The following SLC12A2 variants were observed in gnomAD, a reference collection of about 807,000 sequenced individuals.
SLC12A2 encodes the protein solute carrier family 12 member 2, also known as Na-K-2Cl cotransporter 1.
In SLC12A2, 67 loss-of-function variants were observed where a neutral mutation model predicts 136.3. That is an observed-to-expected ratio of 0.49 (90% CI 0.40 to 0.60). The LOEUF (loss-of-function observed/expected upper bound fraction) is 0.60, where lower values mean the gene tolerates loss of function less well. Ranked by LOEUF, SLC12A2 falls within the 20% of genes least tolerant of loss-of-function variation. The pLI, the probability that SLC12A2 is intolerant of heterozygous loss-of-function variation, is 0.00. For synonymous variants in SLC12A2, 619 were observed against 562.9 expected, an observed-to-expected ratio of 1.10 and a Z score of -1.41; for missense variants, 1,322 against 1,534.7, an observed-to-expected ratio of 0.86 and a Z score of 2.32.
intron 1 of SLC12A2, among the ~76,000 whole-genome samples, chr5:128,103,397 G>C (rs1222503257): frequency 6.6e-6 from 1 of 152,108 alleles, no homozygotes; most frequent in Non-Finnish European, 1.5e-5. Flanking sequence ...TCTCTGACTT[G>C]AGAACAGACA....
At chr5:128,163,034 G>A (rs544988603) in intron 17 of SLC12A2, among the ~76,000 whole-genome samples, 2 of 152,144 alleles carry the variant, frequency 1.3e-5, no homozygotes, top group South Asian at 2.1e-4. Flanking sequence ...GTGGCCCAGA[G>A]AAGCCAAAAG....
In SLC12A2 at chr5:128,084,650, G is replaced by T. The variant is rs138962699; in HGVS notation, c.696G>T (p.Ala232=). 8.7e-6 allele frequency: 14 copies of T among 1,612,616 alleles called. No homozygotes were observed. The African/African-American group carries it at 1.6e-4, about 18-fold the overall frequency. The part of the protein sequence containing the change: ...PRIDHYRHTA[A]QLGEKLLRPS... ...TCGATCACTACCGGCACACAGCCGC[G>T]CAGCTGGGCGAGAAGCTGCTCCGGC... Residue 232 remains alanine (A), a synonymous_variant, in exon 1 of 27, where the codon GCG becomes GCT. Transcript: ENST00000262461. The surrounding 1 kb of genome is among the most constrained non-coding windows in gnomAD (Gnocchi z 5.6).
intron 4 of SLC12A2, among the ~76,000 whole-genome samples, chr5:128,128,559 T>A (rs147407536): frequency 3.3e-5 from 5 of 152,260 alleles, no homozygotes; most frequent in African/African-American, 9.6e-5. Context: ...TCATACATAC[T>A]GTATTGGTAA....
At position 128,152,623 on chromosome 5, in the gene SLC12A2, G is replaced by A. The variant is rs948883519; in HGVS notation, c.2264-83G>A. ...ATTGACTTTTTAAATGTGAAAGCAT[G>A]TTTAATTCTCTATGCCTCAGATTGG... On this transcript the variant is annotated intron_variant, in intron 14 of 26. Coordinates refer to ENST00000262461, the MANE Select transcript of SLC12A2 (RefSeq NM_001046.3). 3 of 868,158 alleles carry A rather than the reference G, an allele frequency of 3.5e-6. No individual in the cohort carries two copies. The South Asian group carries it at 4.0e-5, about 12-fold the overall frequency. The allele number at this position is 868,158 out of a possible 1,614,324, so 53.8% of individuals were successfully genotyped here.
intron 1 of SLC12A2, among the ~76,000 whole-genome samples, chr5:128,104,394 G>A (rs1760853031): frequency 6.6e-6 from 1 of 152,088 alleles, no homozygotes; most frequent in African/African-American, 2.4e-5. Flanking sequence ...CACTTTGGGA[G>A]GCCCAGGCGG....
intron 1 of SLC12A2, among the ~76,000 whole-genome samples, chr5:128,105,975 T>C (rs994514592): frequency 9.2e-5 from 14 of 152,180 alleles, no homozygotes; most frequent in Non-Finnish European, 2.9e-5. Context: ...TTCAACTGAA[T>C]CTTTTCCTTT....
At chr5:128,091,665 A>C (rs912849781) in intron 1 of SLC12A2, among the ~76,000 whole-genome samples, 3 of 152,210 alleles carry the variant, frequency 2.0e-5, no homozygotes, top group African/African-American at 7.2e-5. Flanking sequence ...CTCTACCAAC[A>C]CTAGCTTAAA....
At chr5:128,134,404 G>A (rs1315696332) in intron 6 of SLC12A2, 129 bp downstream of exon 6, 4 of 591,414 alleles carry the variant, frequency 6.8e-6, no homozygotes. Context: ...TTTCACAAAT[G>A]TTTATGTATA....
intron 18 of SLC12A2, chr5:128,169,241 TTTTA>T (rs1441973071): frequency 6.6e-6 from 1 of 150,866 alleles, no homozygotes; most frequent in Non-Finnish European, 1.5e-5. Flanking sequence ...TAAAAAAAAC[TTTTA>T]TTTACAAAGT....
intron 10 of SLC12A2, among the ~76,000 whole-genome samples, chr5:128,144,437 TTTA>T (rs1365506793): frequency 1.3e-5 from 2 of 152,174 alleles, no homozygotes; most frequent in Admixed American, 1.3e-4. Flanking sequence ...CAAGCCATAC[TTTA>T]TAATCATCTT....
chr5:128,131,034 A>G, intron 4 of SLC12A2, 33 bp from the exon 5 acceptor site: 1 of 1,603,414 alleles, frequency 6.2e-7, no homozygotes, highest in East Asian at 2.2e-5. Flanking sequence ...TAACTTTAGT[A>G]CCTGTTTTTT....
rs1193145229 is a variant in SLC12A2 at position 128,150,034 on chromosome 5, C to T, written c.2043C>T (p.Phe681=). 1 of 1,611,250 alleles carries T rather than the reference C, an allele frequency of 6.2e-7. No individual in the cohort carries two copies. Among genetic ancestry groups the T allele is most frequent in the Non-Finnish European group, 8.5e-7 (1 of 1,178,642 alleles). Residue 681 remains phenylalanine, a synonymous_variant, in exon 13 of 27, where the codon TTC becomes TTT. Coordinates refer to ENST00000262461, the MANE Select transcript of SLC12A2 (RefSeq NM_001046.3). ...LNVIAPIISN[F]FLASYALINF... Reference sequence around the variant, plus strand: ...TTATTGCACCAATTATCTCAAACTTCTTCCTTGCATCATATGCATTGATCA... The same window carrying T: ...TTATTGCACCAATTATCTCAAACTTTTTCCTTGCATCATATGCATTGATCA...
rs34443073 is a variant in SLC12A2 at position 128,188,734 on chromosome 5, TAAA to T, written c.*2121_*2123del. 2.8e-4 allele frequency: 38 copies of T among 135,264 alleles called. No individual in the cohort carries two copies. Among genetic ancestry groups the T allele is most frequent in the Non-Finnish European group, 1.3e-4 (8 of 63,128 alleles). 8.4% of individuals were successfully genotyped at this position (135,264 alleles called of 1,614,324 possible). A position where few individuals can be genotyped will look rare whatever the true frequency, so the allele number is the denominator to read the frequency against. On this transcript the variant is annotated 3_prime_UTR_variant, in exon 27 of 27. Transcript: ENST00000262461. ...TAAGAAAATGAAGTAACTGATTTTCTAAAAAAAAAAAAAAAAAAAATTTCTACA... is the reference window on the plus strand; with the variant it reads ...TAAGAAAATGAAGTAACTGATTTTCTAAAAAAAAAAAAAAAAATTTCTACA...
rs185459886 is a variant in SLC12A2 at position 128,138,484 on chromosome 5, G to A, written c.1409-113G>A. On this transcript the variant is annotated intron_variant, in intron 7 of 26. Coordinates refer to ENST00000262461, the MANE Select transcript of SLC12A2 (RefSeq NM_001046.3). ...CTGGGAAATATGCAAAAATTTACTC[G>A]TTACTTTAACTGAAGAAAAGTTAGG... is the stretch of plus-strand genomic sequence containing the variant. The A allele has an allele frequency of 3.4e-5, 31 of 914,028 alleles. 1 individual carries two copies. The East Asian group carries it at 5.9e-4, about 17-fold the overall frequency. 56.6% of individuals were successfully genotyped at this position (914,028 alleles called of 1,614,324 possible). A position where few individuals can be genotyped will look rare whatever the true frequency, so the allele number is the denominator to read the frequency against.
intron 17 of SLC12A2, among the ~76,000 whole-genome samples, chr5:128,164,521 C>CAACT (rs1447148144): frequency 6.6e-6 from 1 of 152,166 alleles, no homozygotes; most frequent in Non-Finnish European, 1.5e-5. Context: ...TGCCTCTGTA[C>CAACT]AACTAGTAAC....
At chr5:128,185,399 T>G (rs2126762422) in intron 26 of SLC12A2, among the ~76,000 whole-genome samples, 1 of 152,274 alleles carries the variant, frequency 6.6e-6, no homozygotes, top group South Asian at 2.1e-4. Context: ...TAGCTATTCT[T>G]TGAACCCACA....
Position 128,150,094 on chromosome 5 carries a change from T to G in SLC12A2, c.2103T>G (p.Ser701=), listed in dbSNP as rs374577039. Residue 701 remains serine, a synonymous_variant, in exon 13 of 27, where the codon TCT becomes TCG. Coordinates refer to ENST00000262461, the MANE Select transcript of SLC12A2 (RefSeq NM_001046.3). ...FSVFHASLAK[S]PGWRPAFKYY... Reference sequence around the variant, plus strand: ...TATTCCATGCATCACTTGCAAAATCTCCAGGTAATTTTACATTTTTAAAAA... The same window carrying G: ...TATTCCATGCATCACTTGCAAAATCGCCAGGTAATTTTACATTTTTAAAAA... 1 of 1,571,284 alleles carries G rather than the reference T, an allele frequency of 6.4e-7. No homozygotes were observed. The highest frequency in any genetic ancestry group is 1.4e-5 in the African/African-American group (1 of 73,988).
At position 128,115,554 on chromosome 5, in the gene SLC12A2, A is replaced by G. The variant is rs190119180; in HGVS notation, c.1048+873A>G. Among the ~76,000 whole-genome samples, 4 of 152,326 alleles carry G rather than the reference A, an allele frequency of 2.6e-5. No individual in the cohort carries two copies. The East Asian group carries it at 7.7e-4, about 29-fold the overall frequency. ...GGAAGAGGACCTAAGAGACTACGGG[A>G]GAATGGAATCAGGATCCCTGAAAAC... On this transcript the variant is annotated intron_variant, in intron 4 of 26. Coordinates refer to ENST00000262461, the MANE Select transcript of SLC12A2 (RefSeq NM_001046.3).
intron 22 of SLC12A2, among the ~76,000 whole-genome samples, chr5:128,179,674 T>C (rs1262649070): frequency 3.3e-5 from 5 of 151,968 alleles, no homozygotes; most frequent in African/African-American, 1.2e-4. Context: ...CCACACACTT[T>C]TAAATCACCC....
Sources: allele counts gnomAD v4.1 joint callset (sites outside exome capture counted in the v4.1 genomes callset), GRCh38; gene constraint gnomAD v4.1.1; non-coding constraint Gnocchi (gnomAD v3.1); transcripts MANE v1.5; gene names NCBI Gene and HGNC (gene_info 2026-07-23, HGNC 2026-07-21).